NTN4: variants seen among roughly 807,000 people sequenced by gnomAD.
NTN4 encodes netrin 4.
Under a neutral mutation model 73.6 loss-of-function variants are expected in NTN4, and 32 were observed. The observed-to-expected ratio is 0.44, with a 90% CI of 0.33 to 0.58. The LOEUF (loss-of-function observed/expected upper bound fraction) is 0.58. NTN4 is among the 20% of genes least tolerant of loss of function. The pLI is 0.04. For missense variants in NTN4, 654 were observed against 798.3 expected, an observed-to-expected ratio of 0.82 and a Z score of 2.18; for synonymous variants, 258 against 287.5, an observed-to-expected ratio of 0.90 and a Z score of 1.04.
intron 3 of NTN4, among the ~76,000 whole-genome samples, chr12:95,728,568 T>C (rs2078712227): frequency 3.3e-5 from 5 of 152,238 alleles, no homozygotes. Flanking sequence ...ACAGGATTTT[T>C]TGCCTCTGTT....
At chr12:95,747,146 A>G (rs980640754) in intron 2 of NTN4, among the ~76,000 whole-genome samples, 4 of 151,900 alleles carry the variant, frequency 2.6e-5, no homozygotes, top group Admixed American at 2.6e-4. Flanking sequence ...ATAGAAAGGC[A>G]TGAAAAATCA....
chr12:95,779,044 C>A (rs947071937), intron 2 of NTN4, among the ~76,000 whole-genome samples: 3 of 152,194 alleles, frequency 2.0e-5, no homozygotes, highest in South Asian at 4.2e-4. Flanking sequence ...ATAAACAGAA[C>A]CAAAGACAAA....
intron 7 of NTN4, among the ~76,000 whole-genome samples, chr12:95,677,886 C>T (rs150671221): frequency 0.014 from 2,139 of 152,244 alleles, 52 homozygotes; most frequent in African/African-American, 0.048. Context: ...CACCTGCACA[C>T]GTATGTTTAT....
At position 95,684,147 on chromosome 12, in the gene NTN4, G is replaced by A. The variant is rs12578788; in HGVS notation, c.1181-436C>T. Among the ~76,000 whole-genome samples the A allele has an allele frequency of 0.015, 2,324 of 152,278 alleles. 219 individuals are homozygous for A. The East Asian group carries it at 0.27, about 18-fold the overall frequency. On this transcript the variant is annotated intron_variant, in intron 5 of 9. Transcript: ENST00000343702. ...CAAAGAAGATGGGGCATGTGATGGAGTATTGCATTTGAACAGCACAAAAGC... is the reference window on the plus strand; with the variant it reads ...CAAAGAAGATGGGGCATGTGATGGAATATTGCATTTGAACAGCACAAAAGC...
At chr12:95,764,427 G>C (rs1045829198) in intron 2 of NTN4, among the ~76,000 whole-genome samples, 4 of 152,216 alleles carry the variant, frequency 2.6e-5, no homozygotes, top group Non-Finnish European at 4.4e-5. Context: ...CACTTTGGGA[G>C]GCCGAGGCCA....
At chr12:95,742,557 T>C (rs1321146805) in intron 2 of NTN4, among the ~76,000 whole-genome samples, 1 of 152,220 alleles carries the variant, frequency 6.6e-6, no homozygotes, top group Non-Finnish European at 1.5e-5. Flanking sequence ...TGTTGAATTA[T>C]AAAAATTTGT....
At chr12:95,721,940 ACACT>A (rs1383990307) in intron 3 of NTN4, among the ~76,000 whole-genome samples, 3 of 152,164 alleles carry the variant, frequency 2.0e-5, no homozygotes, top group Non-Finnish European at 4.4e-5. Flanking sequence ...GCGCACACAC[ACACT>A]CACACACAAA....
At chr12:95,777,783 C>A (rs898393955) in intron 2 of NTN4, among the ~76,000 whole-genome samples, 3 of 152,110 alleles carry the variant, frequency 2.0e-5, no homozygotes, top group Admixed American at 6.6e-5. Flanking sequence ...CAAGGATATC[C>A]AGGAATTGAA....
chr12:95,740,723 A>C (rs2078817816), intron 2 of NTN4, among the ~76,000 whole-genome samples: 1 of 152,184 alleles, frequency 6.6e-6, no homozygotes, highest in Non-Finnish European at 1.5e-5. Context: ...ATATCTTTCT[A>C]CTTAAACTTC....
At chr12:95,772,371 G>T (rs190274086) in intron 2 of NTN4, among the ~76,000 whole-genome samples, 31 of 152,210 alleles carry the variant, frequency 2.0e-4, no homozygotes, top group Admixed American at 1.4e-3. Flanking sequence ...TTCAATAATG[G>T]CAGCATCAAT....
chr12:95,718,532 A>G (rs1345268889), intron 3 of NTN4, among the ~76,000 whole-genome samples: 1 of 152,160 alleles, frequency 6.6e-6, no homozygotes, highest in Non-Finnish European at 1.5e-5. Flanking sequence ...TGTAAATACT[A>G]TTTGGTTGCA....
chr12:95,754,033 T>A (rs1286183286), intron 2 of NTN4, among the ~76,000 whole-genome samples: 2 of 152,180 alleles, frequency 1.3e-5, no homozygotes, highest in Non-Finnish European at 2.9e-5. Context: ...ATCCCCAAAC[T>A]GCCACACTTA....
At chr12:95,728,948 T>C (rs965024535) in intron 3 of NTN4, among the ~76,000 whole-genome samples, 2 of 152,172 alleles carry the variant, frequency 1.3e-5, no homozygotes, top group Admixed American at 1.3e-4. Context: ...GCTCCTGCCA[T>C]GTCAGGGGTC....
chr12:95,696,022 A>T (rs1325537838), intron 5 of NTN4, among the ~76,000 whole-genome samples: 1 of 102,026 alleles, frequency 9.8e-6, no homozygotes, highest in Non-Finnish European at 1.9e-5. Context: ...TCCCATACTC[A>T]CTTCCTTCCT....
intron 7 of NTN4, among the ~76,000 whole-genome samples, chr12:95,674,536 A>G (rs369022003): frequency 4.0e-4 from 61 of 152,270 alleles, no homozygotes; most frequent in African/African-American, 1.4e-3. Context: ...AGCATTGTTT[A>G]CAGTTCTGTG....
intron 5 of NTN4, 123 bp from the exon 6 acceptor site, chr12:95,683,834 T>C: frequency 1.5e-6 from 1 of 668,640 alleles, no homozygotes; most frequent in Admixed American, 2.4e-5. Flanking sequence ...ACTCCTTCTT[T>C]AGCCAGTGAG....
intron 5 of NTN4, among the ~76,000 whole-genome samples, chr12:95,697,969 A>G (rs1261899134): frequency 1.3e-5 from 2 of 152,184 alleles, no homozygotes; most frequent in Admixed American, 6.5e-5. Context: ...CAACAATACA[A>G]CTAAACACTA....
intron 2 of NTN4, among the ~76,000 whole-genome samples, chr12:95,771,360 T>C (rs1241679956): frequency 1.3e-5 from 2 of 152,222 alleles, no homozygotes; most frequent in South Asian, 4.1e-4. Context: ...TATTCTACGA[T>C]GATCTCTCAA....
chr12:95,675,984 A>G (rs926914058), intron 7 of NTN4, among the ~76,000 whole-genome samples: 15 of 152,252 alleles, frequency 9.9e-5, no homozygotes, highest in African/African-American at 3.4e-4. Context: ...CTAGTCCTGC[A>G]AATTATGTAG....
Sources: allele counts gnomAD v4.1 joint callset (sites outside exome capture counted in the v4.1 genomes callset), GRCh38; gene constraint gnomAD v4.1.1; transcripts MANE v1.5; gene names NCBI Gene and HGNC (gene_info 2026-07-23, HGNC 2026-07-21).